DTNBP1: variants seen among roughly 807,000 people sequenced by gnomAD.
DTNBP1 encodes the protein dysbindin.
Under a neutral mutation model 42.8 loss-of-function variants are expected in DTNBP1, and 35 were observed. The ratio of observed to expected loss-of-function variants is 0.82; its 90% CI spans 0.63 to 1.09. The LOEUF (loss-of-function observed/expected upper bound fraction) is 1.09. Ranked by LOEUF, DTNBP1 falls within the 50% of genes least tolerant of loss-of-function variation. The pLI, the probability that DTNBP1 is intolerant of heterozygous loss-of-function variation, is 0.00. For missense variants in DTNBP1, 457 were observed against 424.2 expected (o/e 1.08, Z -0.68); for synonymous variants, 171 against 162.2 (o/e 1.05, Z -0.41).
At chr6:15,594,916 C>G (rs1473221329) in intron 6 of DTNBP1, among the ~76,000 whole-genome samples, 1 of 152,106 alleles carries the variant, frequency 6.6e-6, no homozygotes, top group Non-Finnish European at 1.5e-5. Flanking sequence ...TCTCCTACCC[C>G]CAAATACTAA....
intron 6 of DTNBP1, among the ~76,000 whole-genome samples, chr6:15,612,474 G>A (rs1758462939): frequency 6.6e-6 from 1 of 152,148 alleles, no homozygotes. Context: ...AACATATCTT[G>A]ATAGAAAAAT....
intron 7 of DTNBP1, among the ~76,000 whole-genome samples, chr6:15,554,275 G>A (rs569692209): frequency 6.6e-6 from 1 of 152,100 alleles, no homozygotes; most frequent in Admixed American, 6.5e-5. Flanking sequence ...TTGAGATAGA[G>A]TCTCACTATG....
Position 15,524,664 on chromosome 6 carries a change from T to C in DTNBP1, c.673A>G (p.Ile225Val), listed in dbSNP as rs187849385. The change falls in exon 9 of 10, where the codon ATA becomes GTA. Residue 225 changes from isoleucine (I) to valine (V), a missense_variant. Coordinates refer to ENST00000344537, the MANE Select transcript of DTNBP1 (RefSeq NM_032122.5). ...ACTTCCATGGATGACATGCTGCCTA[T>C]GGGCTCTGCGGATAGATCAACACGA... ...YLQIAERREPIGSMSSMEVNV... is the reference protein window; with the variant it reads ...YLQIAERREPVGSMSSMEVNV... The C allele has an allele frequency of 1.9e-6, 3 of 1,613,118 alleles. No individual in the cohort carries two copies. The highest frequency in any genetic ancestry group is 1.7e-5 in the Admixed American group (1 of 60,020).
rs767791716 is a variant in DTNBP1 at position 15,663,015 on chromosome 6, C to G, written c.-146G>C. 8.6e-7 allele frequency: 1 copy of G among 1,168,812 alleles called. No individual in the cohort carries two copies. The highest frequency in any genetic ancestry group is 1.2e-6 in the Non-Finnish European group (1 of 832,570). The allele number at this position is 1,168,812 out of a possible 1,614,324, so 72.4% of individuals were successfully genotyped here. Reference sequence around the variant, plus strand: ...CCGCCCCCGGTCTGGTCCTCGCCGCCGCGCCGCAACCCCAGCCCCTTCCGC... The same window carrying G: ...CCGCCCCCGGTCTGGTCCTCGCCGCGGCGCCGCAACCCCAGCCCCTTCCGC... On this transcript the variant is annotated 5_prime_UTR_variant, in exon 1 of 10. Transcript: ENST00000344537.
chr6:15,575,387 C>T (rs530061256), intron 7 of DTNBP1, among the ~76,000 whole-genome samples: 180 of 152,326 alleles, frequency 1.2e-3, no homozygotes, highest in Non-Finnish European at 2.1e-3. Flanking sequence ...CTCTTCCCTA[C>T]CACGTTGCCA....
At chr6:15,551,451 C>T (rs1027634544) in intron 7 of DTNBP1, among the ~76,000 whole-genome samples, 5 of 152,262 alleles carry the variant, frequency 3.3e-5, no homozygotes, top group East Asian at 1.9e-4. Context: ...TTTCCAGCTG[C>T]GGAAGAAGGA....
chr6:15,576,615 A>C (rs1775583635), intron 7 of DTNBP1, among the ~76,000 whole-genome samples: 1 of 151,848 alleles, frequency 6.6e-6, no homozygotes, highest in Non-Finnish European at 1.5e-5. Context: ...CATCTGTACT[A>C]AAAATTAGGT....
intron 7 of DTNBP1, among the ~76,000 whole-genome samples, chr6:15,578,215 G>C (rs1775666730): frequency 6.6e-6 from 1 of 152,226 alleles, no homozygotes; most frequent in Non-Finnish European, 1.5e-5. Flanking sequence ...TGGGAGGAGG[G>C]GGTGTTAGTG....
At chr6:15,590,009 T>G (rs566171484) in intron 7 of DTNBP1, among the ~76,000 whole-genome samples, 1 of 152,300 alleles carries the variant, frequency 6.6e-6, no homozygotes, top group Non-Finnish European at 1.5e-5. Flanking sequence ...GCTCACTCAC[T>G]GCAGCCTCTG....
chr6:15,553,400 T>C (rs950018142), intron 7 of DTNBP1, among the ~76,000 whole-genome samples: 3 of 151,672 alleles, frequency 2.0e-5, no homozygotes, highest in Admixed American at 1.3e-4. Flanking sequence ...AAGATAGATA[T>C]TGTTTTAAAT....
chr6:15,523,019 CAG>C lies in DTNBP1; in HGVS notation c.1010_1011del (p.Thr337ArgfsTer10). ...QVDTALATSH[T>X]DREATPDGGE... is the part of the protein sequence containing the mutation. Reference sequence around the variant, plus strand: ...CCACCATCCGGAGTGGCCTCTCTGTCAGTGTGTGATGTGGCCAGGGCAGTGTC... The same window carrying C: ...CCACCATCCGGAGTGGCCTCTCTGTCTGTGTGATGTGGCCAGGGCAGTGTC... On this transcript the variant is annotated frameshift_variant, in exon 10 of 10. Coordinates refer to ENST00000344537, the MANE Select transcript of DTNBP1 (RefSeq NM_032122.5). LOFTEE classifies it high-confidence loss of function. The C allele has an allele frequency of 6.2e-7, 1 of 1,614,220 alleles. No individual in the cohort carries two copies. The highest frequency in any genetic ancestry group is 8.5e-7 in the Non-Finnish European group (1 of 1,180,046).
intron 5 of DTNBP1, among the ~76,000 whole-genome samples, chr6:15,621,748 C>T (rs1289962853): frequency 6.6e-6 from 1 of 152,212 alleles, no homozygotes; most frequent in Non-Finnish European, 1.5e-5. Flanking sequence ...CTGTTTACTT[C>T]ACTTCTTTCC....
chr6:15,579,284 CA>C (rs1402935341), intron 7 of DTNBP1, among the ~76,000 whole-genome samples: 2 of 152,142 alleles, frequency 1.3e-5, no homozygotes, highest in African/African-American at 4.8e-5. Flanking sequence ...TGAAACAAGC[CA>C]GGCATAGAAA....
intron 3 of DTNBP1, among the ~76,000 whole-genome samples, chr6:15,648,269 A>G (rs1234670261): frequency 6.6e-6 from 1 of 152,072 alleles, no homozygotes; most frequent in Non-Finnish European, 1.5e-5. Context: ...AAAAATTCAT[A>G]GTTGACATTA....
At chr6:15,563,433 C>T (rs1327351390) in intron 7 of DTNBP1, among the ~76,000 whole-genome samples, 1 of 152,200 alleles carries the variant, frequency 6.6e-6, no homozygotes, top group African/African-American at 2.4e-5. Context: ...TGGACATAAA[C>T]ATAGTTATAA....
chr6:15,553,645 A>G (rs1011311402), intron 7 of DTNBP1, among the ~76,000 whole-genome samples: 6 of 93,286 alleles, frequency 6.4e-5, no homozygotes, highest in African/African-American at 2.6e-4. Flanking sequence ...ATTTTCTTAT[A>G]AAAGCCTATG....
chr6:15,600,813 G>A (rs759783850), intron 6 of DTNBP1, among the ~76,000 whole-genome samples: 6 of 152,198 alleles, frequency 3.9e-5, no homozygotes, highest in Admixed American at 6.5e-5. Context: ...AAAAGGTCAG[G>A]TTTTGCTGTG....
intron 7 of DTNBP1, among the ~76,000 whole-genome samples, chr6:15,578,626 A>G (rs572715883): frequency 5.3e-5 from 8 of 152,360 alleles, no homozygotes; most frequent in Admixed American, 1.3e-4. Context: ...CTGTAAATCA[A>G]AATAAGTTCT....
chr6:15,620,118 T>C lies in DTNBP1; in HGVS notation c.356-4719A>G, dbSNP rs536068341. On this transcript the variant is annotated intron_variant, in intron 5 of 9. Coordinates refer to ENST00000344537, the MANE Select transcript of DTNBP1 (RefSeq NM_032122.5). ...ATTTTAGGTACTGACTTTTATCATATTAATATATCACGGTAAATCTGGAAA... is the reference window on the plus strand; with the variant it reads ...ATTTTAGGTACTGACTTTTATCATACTAATATATCACGGTAAATCTGGAAA... 2.0e-5 allele frequency among the ~76,000 whole-genome samples: 3 copies of C among 152,296 alleles called. No homozygotes were observed. The East Asian group carries it at 5.8e-4, about 29-fold the overall frequency.
Sources: allele counts gnomAD v4.1 joint callset (sites outside exome capture counted in the v4.1 genomes callset), GRCh38; gene constraint gnomAD v4.1.1; transcripts MANE v1.5; gene names NCBI Gene and HGNC (gene_info 2026-07-23, HGNC 2026-07-21).